Variants in CASD1 observed in about 807,000 individuals in gnomAD.
CASD1 encodes N-acetylneuraminate (7)9-O-acetyltransferase.
Under a neutral mutation model 100.0 loss-of-function variants are expected in CASD1, and 41 were observed. The ratio of observed to expected loss-of-function variants is 0.41; its 90% CI spans 0.32 to 0.53. The LOEUF is 0.53. Among genes scored for constraint, CASD1 ranks in the 20% least tolerant of loss-of-function variants. CASD1 has a pLI of 0.25. For synonymous variants in CASD1, 321 were observed against 315.6 expected (o/e 1.02, Z -0.18); for missense variants, 774 against 948.7 (o/e 0.82, Z 2.42).
At chr7:94,559,308 G>GTGTGTGTGTGTGTA (rs1554417422), downstream of CASD1, among the ~76,000 whole-genome samples, 1,058 of 123,652 alleles carry the variant, frequency 8.6e-3, 4 homozygotes, top group East Asian at 0.014. Flanking sequence ...GTGTGTGTAT[G>GTGTGTGTGTGTGTA]TGTGTGTGTG....
At chr7:94,534,159 A>AT (rs56864121) in intron 7 of CASD1, among the ~76,000 whole-genome samples, 796 of 100,474 alleles carry the variant, frequency 7.9e-3, no homozygotes, top group East Asian at 0.01. Context: ...CTGTTTCATA[A>AT]TTTTTTTTTT....
At chr7:94,558,673 G>T (rs1796285045), downstream of CASD1, among the ~76,000 whole-genome samples, 2 of 152,030 alleles carry the variant, frequency 1.3e-5, no homozygotes, top group Admixed American at 1.3e-4. Context: ...ATTTGGCAAG[G>T]TGTATTCTGG....
At chr7:94,533,301 C>A in intron 6 of CASD1, 52 bp downstream of exon 6, 1 of 1,474,188 alleles carries the variant, frequency 6.8e-7, no homozygotes, top group Non-Finnish European at 9.4e-7. Flanking sequence ...CGTTTAAGAA[C>A]ATGCTAAGAA....
At chr7:94,528,061 G>T in intron 4 of CASD1, 127 bp from the exon 5 acceptor site, 1 of 666,362 alleles carries the variant, frequency 1.5e-6, no homozygotes, top group Non-Finnish European at 2.6e-6. Flanking sequence ...GATAGGAATT[G>T]AAGATGTCTT....
chr7:94,618,363 G>A, the CASD1 span: 125 of 174,184 alleles, frequency 7.2e-4, no homozygotes, highest in Middle Eastern at 2.7e-3. Context: ...ATGGTGGAAA[G>A]AATGTTAAAG....
chr7:94,615,486 C>T, the CASD1 span, among the ~76,000 whole-genome samples: 12 of 152,024 alleles, frequency 7.9e-5, no homozygotes, highest in Admixed American at 4.6e-4. Flanking sequence ...GAAATTGGCC[C>T]AGGATCATGA....
chr7:94,612,871 T>C, the CASD1 span, among the ~76,000 whole-genome samples: 1 of 152,112 alleles, frequency 6.6e-6, no homozygotes, highest in Non-Finnish European at 1.5e-5. Context: ...TCTCTTTGAC[T>C]CCTCTCCTTC....
At chr7:94,566,417 T>A in the CASD1 span, among the ~76,000 whole-genome samples, 1 of 152,154 alleles carries the variant, frequency 6.6e-6, no homozygotes, top group South Asian at 2.1e-4. Context: ...AAAAGAAATA[T>A]TTCTTAGTCA....
the CASD1 span, among the ~76,000 whole-genome samples, chr7:94,633,574 T>C: frequency 6.6e-6 from 1 of 152,000 alleles, no homozygotes; most frequent in Non-Finnish European, 1.5e-5. Flanking sequence ...CTCTATATTA[T>C]GTGACAGCAT....
At chr7:94,621,476 C>T in the CASD1 span, 1 of 152,180 alleles carries the variant, frequency 6.6e-6, no homozygotes, top group Admixed American at 6.5e-5. Context: ...ATCTACTTGA[C>T]CACAGGTCCT....
chr7:94,597,269 C>T, the CASD1 span: 1 of 152,172 alleles, frequency 6.6e-6, no homozygotes, highest in African/African-American at 2.4e-5. Flanking sequence ...CTCATACACA[C>T]ATGCACATAA....
At chr7:94,631,791 T>C in the CASD1 span, among the ~76,000 whole-genome samples, 11 of 151,944 alleles carry the variant, frequency 7.2e-5, no homozygotes, top group Admixed American at 2.6e-4. Context: ...ACTCTGTATA[T>C]CAAAGTATTT....
the CASD1 span, among the ~76,000 whole-genome samples, chr7:94,592,020 C>CA: frequency 1.3e-5 from 2 of 152,058 alleles, no homozygotes; most frequent in South Asian, 2.1e-4. Flanking sequence ...GGTGCTCAAC[C>CA]AAAAAAATAC....
At chr7:94,611,777 C>T in the CASD1 span, among the ~76,000 whole-genome samples, 3,959 of 152,054 alleles carry the variant, frequency 0.026, 155 homozygotes, top group African/African-American at 0.088. Flanking sequence ...CAACTGTGTT[C>T]GAGAATATGT....
At chr7:94,541,765 T>C (rs1005844795) in intron 10 of CASD1, among the ~76,000 whole-genome samples, 10 of 152,016 alleles carry the variant, frequency 6.6e-5, no homozygotes, top group Non-Finnish European at 1.2e-4. Context: ...ATTTTGAATA[T>C]GGATCATACA....
the CASD1 span, among the ~76,000 whole-genome samples, chr7:94,571,977 T>C: frequency 8.6e-5 from 13 of 152,040 alleles, 1 homozygote; most frequent in East Asian, 1.7e-3. Flanking sequence ...CTAGGAAACA[T>C]AGAAGTGGTG....
chr7:94,518,456 A>G, intron 3 of CASD1, 133 bp downstream of exon 3: 1 of 671,124 alleles, frequency 1.5e-6, no homozygotes, highest in Non-Finnish European at 2.4e-6. Context: ...AGGTTGGGGA[A>G]AAAGAGGGAT....
rs966534164 is a variant in CASD1, at chr7:94,555,704, A to G, written c.2340A>G (p.Ala780=). 6.2e-7 allele frequency: 1 copy of G among 1,613,248 alleles called. No individual in the cohort carries two copies. Among genetic ancestry groups the G allele is most frequent in the Non-Finnish European group, 8.5e-7 (1 of 1,179,520 alleles). Reference sequence around the variant, plus strand: ...TGAAAAGGTTGGCATGTATAGCTGCATTTTTTTGTGGACTCCTCATCTTAT... The same window carrying G: ...TGAAAAGGTTGGCATGTATAGCTGCGTTTTTTTGTGGACTCCTCATCTTAT... ...SLLKRLACIA[A]FFCGLLILSS... is the part of the protein sequence containing the mutation. The change falls in exon 18 of 18, where the codon GCA becomes GCG. Residue 780 remains alanine (A), a synonymous_variant. Coordinates refer to ENST00000297273, the MANE Select transcript of CASD1 (RefSeq NM_022900.5).
intron 10 of CASD1, among the ~76,000 whole-genome samples, chr7:94,539,933 G>A (rs942489913): frequency 6.6e-6 from 1 of 152,158 alleles, no homozygotes; most frequent in African/African-American, 2.4e-5. Context: ...CTTCCTAAGT[G>A]CTAAGTAGTA....
Sources: allele counts gnomAD v4.1 joint callset (sites outside exome capture counted in the v4.1 genomes callset), GRCh38; gene constraint gnomAD v4.1.1; transcripts MANE v1.5; gene names NCBI Gene and HGNC (gene_info 2026-07-23, HGNC 2026-07-21).